The following USP28 variants were observed in gnomAD, a reference collection of about 807,000 sequenced individuals.
USP28 encodes the protein ubiquitin carboxyl-terminal hydrolase 28.
A neutral mutation model predicts 145.0 loss-of-function variants in USP28; 113 were observed. The ratio of observed to expected loss-of-function variants is 0.78; its 90% confidence interval spans 0.67 to 0.91. The LOEUF is 0.91. Among genes scored for constraint, USP28 ranks in the 40% least tolerant of loss-of-function variants. The pLI is 0.00. For synonymous variants in USP28, 447 were observed against 450.9 expected, an observed-to-expected ratio of 0.99 and a Z score of 0.11; for missense variants, 1,201 against 1,289.6, an observed-to-expected ratio of 0.93 and a Z score of 1.05.
Position 113,801,494 on chromosome 11 carries a change from TG to T in USP28, c.3046del (p.Gln1016LysfsTer11), listed in dbSNP as rs1412385316. The T allele has an allele frequency of 6.3e-7, 1 of 1,580,116 alleles. No homozygotes were observed. The highest frequency in any genetic ancestry group is 8.7e-7 in the Non-Finnish European group (1 of 1,153,746). ...CCAAGAGCATATACCTGCAATATCT[TG>T]CCCAAGGTAAGAGCACCAATGGTTT... On this transcript the variant is annotated frameshift_variant, in exon 24 of 25. Coordinates refer to ENST00000003302, the Ensembl canonical transcript of USP28. LOFTEE classifies it high-confidence loss of function.
chr11:113,823,631 T>C, exon 12 of USP28: 1 of 1,612,666 alleles, frequency 6.2e-7, no homozygotes, highest in Non-Finnish European at 8.5e-7. Flanking sequence ...GCAGAATTTT[T>C]ATTTCCTCCT....
intron 1 of USP28, among the ~76,000 whole-genome samples, chr11:113,869,352 C>A (rs1948595326): frequency 6.6e-6 from 1 of 152,176 alleles, no homozygotes; most frequent in South Asian, 2.1e-4. Flanking sequence ...TCAATAGAAC[C>A]CGGAAGGCGG....
intron 9 of USP28, among the ~76,000 whole-genome samples, chr11:113,829,779 G>A (rs535719119): frequency 7.1e-6 from 1 of 141,696 alleles, no homozygotes; most frequent in Non-Finnish European, 1.5e-5. Context: ...AAGCTATGAT[G>A]TTGCCACTGC....
chr11:113,802,535 C>T (rs1211927407), intron 23 of USP28, among the ~76,000 whole-genome samples: 6 of 152,198 alleles, frequency 3.9e-5, no homozygotes, highest in African/African-American at 1.2e-4. Context: ...CTCCAAAGGA[C>T]ACACATCACA....
intron 1 of USP28, chr11:113,874,557 T>C: frequency 2.3e-6 from 3 of 1,288,976 alleles, no homozygotes; most frequent in Non-Finnish European, 3.0e-6. Flanking sequence ...ACAAATATAG[T>C]TTCTCATCTC....
intron 6 of USP28, 77 bp from the exon 7 acceptor site, chr11:113,833,634 C>T: frequency 7.0e-7 from 1 of 1,431,376 alleles, no homozygotes; most frequent in Non-Finnish European, 9.5e-7. Context: ...AAAAAGTTGT[C>T]AATAATCATG....
At chr11:113,845,234 T>A (rs1334589470) in intron 3 of USP28, among the ~76,000 whole-genome samples, 1 of 151,454 alleles carries the variant, frequency 6.6e-6, no homozygotes, top group South Asian at 2.1e-4. Context: ...AGGTCATGAG[T>A]TCGAGACCAG....
exon 7 of USP28, chr11:113,833,441 G>A (rs1488172401): frequency 3.1e-6 from 5 of 1,613,776 alleles, no homozygotes; most frequent in Middle Eastern, 3.3e-4. Context: ...CAGATGATCG[G>A]AATGCTCCCT....
chr11:113,847,490 T>C (rs1027832088), intron 3 of USP28, among the ~76,000 whole-genome samples: 3 of 151,396 alleles, frequency 2.0e-5, no homozygotes, highest in Non-Finnish European at 2.9e-5. Flanking sequence ...ATAAAGAGAG[T>C]CTTAAAAGAC....
chr11:113,834,960 G>A (rs755126349), intron 5 of USP28, among the ~76,000 whole-genome samples: 7 of 152,096 alleles, frequency 4.6e-5, no homozygotes, highest in African/African-American at 1.7e-4. Flanking sequence ...ACAATACTAC[G>A]TATTGTTCAG....
At chr11:113,872,084 C>T (rs1948874030) in intron 1 of USP28, among the ~76,000 whole-genome samples, 1 of 152,190 alleles carries the variant, frequency 6.6e-6, no homozygotes, top group South Asian at 2.1e-4. Flanking sequence ...GCACATAGTG[C>T]ATGCTCAATT....
At chr11:113,862,787 A>G (rs1947826554) in intron 1 of USP28, among the ~76,000 whole-genome samples, 1 of 152,230 alleles carries the variant, frequency 6.6e-6, no homozygotes, top group Admixed American at 6.5e-5. Context: ...GGAGAAAAAA[A>G]ACAATGGTCA....
At chr11:113,829,542 A>G in intron 9 of USP28, 197 bp from the exon 10 acceptor site, 1 of 625,804 alleles carries the variant, frequency 1.6e-6, no homozygotes, top group Admixed American at 3.4e-5. Context: ...ACACTGGAAA[A>G]AGACCAGGGG....
At chr11:113,828,028 A>C (rs900503212) in intron 10 of USP28, among the ~76,000 whole-genome samples, 2 of 152,210 alleles carry the variant, frequency 1.3e-5, no homozygotes, top group African/African-American at 4.8e-5. Flanking sequence ...CTGACATAAA[A>C]AAGACTCAAC....
At chr11:113,859,479 TATGA>T (rs1947414370) in intron 1 of USP28, 1 of 152,088 alleles carries the variant, frequency 6.6e-6, no homozygotes, top group South Asian at 2.1e-4. Flanking sequence ...AAGAGTATGG[TATGA>T]ATAACAAATT....
chr11:113,855,403 G>A (rs1227540705), intron 1 of USP28, among the ~76,000 whole-genome samples: 1 of 152,124 alleles, frequency 6.6e-6, no homozygotes. Flanking sequence ...GATGAATGTT[G>A]AAAACAAAGT....
chr11:113,815,471 G>C, intron 13 of USP28, 89 bp from the exon 14 acceptor site: 1 of 1,228,426 alleles, frequency 8.1e-7, no homozygotes, highest in Non-Finnish European at 1.1e-6. Flanking sequence ...GATGCTATAT[G>C]AAAAAGTACA....
intron 12 of USP28, among the ~76,000 whole-genome samples, chr11:113,818,734 T>A (rs927524643): frequency 1.3e-5 from 2 of 151,892 alleles, no homozygotes; most frequent in Non-Finnish European, 2.9e-5. Flanking sequence ...GATGGCACAC[T>A]CCTGTAGTCC....
chr11:113,812,223 C>T lies in USP28; in HGVS notation c.1972+53G>A. The T allele has an allele frequency of 2.9e-6, 4 of 1,394,500 alleles. No individual in the cohort carries two copies. In the South Asian group the frequency reaches 3.5e-5, roughly 12 times the overall value. The allele number at this position is 1,394,500 out of a possible 1,614,324, so 86.4% of individuals were successfully genotyped here. A position where few individuals can be genotyped will look rare whatever the true frequency, so the allele number is the denominator to read the frequency against. On this transcript the variant is annotated intron_variant, in intron 16 of 24. Transcript: ENST00000003302. ...AAAGCAGTACAAGACTGTTCTTCTC[C>T]CTGAGCAGTACAGATTTTCCCCAAT...
Sources: allele counts gnomAD v4.1 joint callset (sites outside exome capture counted in the v4.1 genomes callset), GRCh38; gene constraint gnomAD v4.1.1; transcripts MANE v1.5; gene names NCBI Gene and HGNC (gene_info 2026-07-23, HGNC 2026-07-21).